MYRIP: variants seen among roughly 807,000 people sequenced by gnomAD.
The protein encoded by MYRIP is rab effector MyRIP.
In MYRIP, 49 loss-of-function variants were observed where a neutral mutation model predicts 98.0. That is an observed-to-expected ratio of 0.50 (90% CI 0.40 to 0.63). MYRIP has a LOEUF of 0.63. Ranked by LOEUF, MYRIP falls within the 30% of genes least tolerant of loss-of-function variation. The pLI is 0.00. For synonymous variants in MYRIP, 404 were observed against 409.5 expected (o/e 0.99, Z 0.16); for missense variants, 1,004 against 1,058.2 (o/e 0.95, Z 0.71).
At chr3:40,156,340 C>T (rs1950237328) in intron 4 of MYRIP, among the ~76,000 whole-genome samples, 2 of 152,040 alleles carry the variant, frequency 1.3e-5, no homozygotes, top group African/African-American at 4.8e-5. Flanking sequence ...CTGTTCTGTT[C>T]CATTGATCTA....
chr3:39,870,711 C>A (rs1272081803), intron 1 of MYRIP, among the ~76,000 whole-genome samples: 1 of 152,132 alleles, frequency 6.6e-6, no homozygotes, highest in Non-Finnish European at 1.5e-5. Flanking sequence ...TTTTCACGCC[C>A]TTTCTCTGTA....
rs564781972 is a variant in MYRIP at position 40,225,619 on chromosome 3, C to A, written c.1906-8240C>A. On this transcript the variant is annotated intron_variant, in intron 11 of 16. Transcript: ENST00000302541. The stretch of plus-strand genomic sequence containing the variant: ...CTAGCTCCACATCTTCTTCACTGAG[C>A]CACAGTTTTCTTGTCTCTAAAGATG... Among the ~76,000 whole-genome samples, 3 of 152,300 alleles carry A rather than the reference C, an allele frequency of 2.0e-5. No homozygotes were observed. In the South Asian group the frequency reaches 6.2e-4, roughly 32 times the overall value.
Position 40,037,304 on chromosome 3 carries a change from A to T in MYRIP, c.111-6746A>T, listed in dbSNP as rs963116639. ...TGTTAATTTACACTGTCAGGGTAAA[A>T]TTGAATGGAAGTAAAGGGACTTCCT... On this transcript the variant is annotated intron_variant, in intron 2 of 16. Transcript: ENST00000302541. 4.6e-5 allele frequency among the ~76,000 whole-genome samples: 7 copies of T among 152,088 alleles called. No homozygotes were observed. The South Asian group carries it at 1.5e-3, about 32-fold the overall frequency.
At chr3:40,248,131 A>C (rs1488224356) in intron 13 of MYRIP, 1 of 152,258 alleles carries the variant, frequency 6.6e-6, no homozygotes, top group African/African-American at 2.4e-5. Context: ...CACATATGCT[A>C]AATTGTGTTC....
Position 40,139,295 on chromosome 3 carries a change from G to A in MYRIP, c.333-11753G>A, listed in dbSNP as rs771808671. ...AAAGAGTATGTTGCATCCATTTTAAGTGTACAGTTCAACGGGTTTTGACAA... is the reference window on the plus strand; with the variant it reads ...AAAGAGTATGTTGCATCCATTTTAAATGTACAGTTCAACGGGTTTTGACAA... On this transcript the variant is annotated intron_variant, in intron 3 of 16. Transcript: ENST00000302541. 2.5e-4 allele frequency among the ~76,000 whole-genome samples: 38 copies of A among 152,086 alleles called. 1 individual carries two copies. Among genetic ancestry groups the A allele is most frequent in the Admixed American group, 6.6e-5 (1 of 15,264 alleles).
At chr3:39,990,783 T>C (rs1164743236) in intron 2 of MYRIP, among the ~76,000 whole-genome samples, 1 of 152,206 alleles carries the variant, frequency 6.6e-6, no homozygotes, top group Non-Finnish European at 1.5e-5. Flanking sequence ...TCTGAATGCA[T>C]GTTCATTGAG....
chr3:39,910,923 C>G (rs1944006553), intron 2 of MYRIP, among the ~76,000 whole-genome samples: 1 of 152,080 alleles, frequency 6.6e-6, no homozygotes. Context: ...AAAGTTTTAG[C>G]TAATTAGTCA....
chr3:40,076,680 A>C (rs1948349511), intron 3 of MYRIP, among the ~76,000 whole-genome samples: 1 of 152,180 alleles, frequency 6.6e-6, no homozygotes, highest in Non-Finnish European at 1.5e-5. Context: ...CATTGTTAAG[A>C]GCATAATCAC....
intron 1 of MYRIP, among the ~76,000 whole-genome samples, chr3:39,872,329 T>A (rs1278311993): frequency 1.3e-5 from 2 of 150,906 alleles, no homozygotes; most frequent in African/African-American, 4.9e-5. Context: ...AAAATGTAAA[T>A]ATTTCTTTAT....
rs950670774 is a variant in MYRIP, at chr3:40,149,578, C to T, written c.333-1470C>T. ...GGGCCTAAGACCAATCATCCTCAGA[C>T]CAATTGCTCATTTGTTAGGGTGTAG... is the stretch of plus-strand genomic sequence containing the variant. On this transcript the variant is annotated intron_variant, in intron 3 of 16. Coordinates refer to ENST00000302541, the MANE Select transcript of MYRIP (RefSeq NM_015460.4). 3.9e-5 allele frequency among the ~76,000 whole-genome samples: 6 copies of T among 152,298 alleles called. No homozygotes were observed. The East Asian group carries it at 1.2e-3, about 29-fold the overall frequency.
chr3:39,961,147 A>C (rs1343581853), intron 2 of MYRIP, among the ~76,000 whole-genome samples: 3 of 152,138 alleles, frequency 2.0e-5, no homozygotes, highest in African/African-American at 7.2e-5. Context: ...AAAATGTCTT[A>C]GAACATTATG....
chr3:40,033,591 G>A (rs1181886546), intron 2 of MYRIP, among the ~76,000 whole-genome samples: 7 of 152,158 alleles, frequency 4.6e-5, no homozygotes, highest in Admixed American at 2.0e-4. Context: ...AAATGGAAGA[G>A]CATTCCATGC....
At chr3:40,243,879 C>T (rs573379848) in intron 12 of MYRIP, among the ~76,000 whole-genome samples, 31 of 152,348 alleles carry the variant, frequency 2.0e-4, no homozygotes, top group African/African-American at 7.0e-4. Context: ...ACATGCTTCT[C>T]TTAACATCAC....
intron 2 of MYRIP, among the ~76,000 whole-genome samples, chr3:39,962,053 C>T (rs1038348476): frequency 2.6e-5 from 4 of 152,042 alleles, no homozygotes; most frequent in South Asian, 2.1e-4. Flanking sequence ...GCATGGTAAT[C>T]GACACTCTTG....
At chr3:39,836,823 G>C (rs373753195) in intron 1 of MYRIP, among the ~76,000 whole-genome samples, 1 of 152,200 alleles carries the variant, frequency 6.6e-6, no homozygotes, top group East Asian at 1.9e-4. Context: ...TAAGAGAGTA[G>C]TTCTAGGAAT....
chr3:39,946,971 G>A (rs978889706), intron 2 of MYRIP, among the ~76,000 whole-genome samples: 10 of 152,258 alleles, frequency 6.6e-5, no homozygotes, highest in South Asian at 2.1e-4. Flanking sequence ...CGCTAAAGGC[G>A]AAAAGCATTA....
At chr3:39,872,141 A>C (rs1286360906) in intron 1 of MYRIP, among the ~76,000 whole-genome samples, 1 of 152,016 alleles carries the variant, frequency 6.6e-6, no homozygotes, top group Non-Finnish European at 1.5e-5. Context: ...TTTTCTCCTA[A>C]TGTGAATAGC....
intron 1 of MYRIP, among the ~76,000 whole-genome samples, chr3:39,831,666 A>G (rs1941450673): frequency 6.6e-6 from 1 of 152,226 alleles, no homozygotes; most frequent in African/African-American, 2.4e-5. Flanking sequence ...TAAAATACAC[A>G]GTTGAAAAAA....
chr3:39,944,862 A>C (rs1944863235), intron 2 of MYRIP, among the ~76,000 whole-genome samples: 1 of 152,136 alleles, frequency 6.6e-6, no homozygotes, highest in Admixed American at 6.5e-5. Flanking sequence ...ACCAAGAGAA[A>C]TATTCATTTT....
Sources: gnomAD v4.1 joint callset for allele counts (sites outside exome capture counted in the v4.1 genomes callset) on GRCh38, gnomAD v4.1.1 for gene constraint, MANE v1.5 for transcripts, NCBI Gene and HGNC (gene_info 2026-07-23, HGNC 2026-07-21) for gene names.